The following DENND1A variants were observed in gnomAD, a reference collection of about 807,000 sequenced individuals.
DENND1A encodes DENN domain-containing protein 1A.
Under a neutral mutation model 113.7 loss-of-function variants are expected in DENND1A, and 51 were observed. The ratio of observed to expected loss-of-function variants is 0.45; its 90% confidence interval spans 0.36 to 0.57. DENND1A has a LOEUF of 0.57. Ranked by LOEUF, DENND1A falls within the 20% of genes least tolerant of loss-of-function variation. The pLI, the probability that DENND1A is intolerant of heterozygous loss-of-function variation, is 0.00. For missense variants in DENND1A, 1,258 were observed against 1,395.9 expected (o/e 0.90, Z 1.57); for synonymous variants, 565 against 570.8 (o/e 0.99, Z 0.14).
chr9:123,752,277 C>G (rs539264080), intron 5 of DENND1A, among the ~76,000 whole-genome samples: 3 of 152,118 alleles, frequency 2.0e-5, no homozygotes, highest in African/African-American at 7.2e-5. Context: ...GGCCAGAGAC[C>G]AAGTGTTATG....
intron 5 of DENND1A, among the ~76,000 whole-genome samples, chr9:123,693,328 T>C (rs2065291471): frequency 6.6e-6 from 1 of 152,186 alleles, no homozygotes; most frequent in Non-Finnish European, 1.5e-5. Flanking sequence ...ATTCACTTCT[T>C]TTAAACATGC....
At chr9:123,929,683 C>G (rs925791539) in intron 1 of DENND1A, among the ~76,000 whole-genome samples, 29 of 151,928 alleles carry the variant, frequency 1.9e-4, no homozygotes, top group African/African-American at 7.0e-4. Flanking sequence ...CACCTGACCC[C>G]CGGCGCCCTG....
chr9:123,504,688 G>T (rs2052765319), intron 13 of DENND1A, among the ~76,000 whole-genome samples: 1 of 152,156 alleles, frequency 6.6e-6, no homozygotes, highest in Non-Finnish European at 1.5e-5. Context: ...TCATTTTAAA[G>T]ACGAAGAAAC....
chr9:123,766,147 C>G (rs891167938), intron 4 of DENND1A, among the ~76,000 whole-genome samples: 8 of 152,318 alleles, frequency 5.3e-5, no homozygotes, highest in African/African-American at 1.4e-4. Context: ...GGCTTCTCCT[C>G]TGCTTTGCTT....
chr9:123,666,136 C>A (rs1308919196), intron 8 of DENND1A, among the ~76,000 whole-genome samples: 1 of 152,010 alleles, frequency 6.6e-6, no homozygotes, highest in Non-Finnish European at 1.5e-5. Flanking sequence ...ATTGACTGTA[C>A]AAAATATGAA....
chr9:123,792,519 A>C, intron 3 of DENND1A, 68 bp downstream of exon 3: 1 of 1,490,528 alleles, frequency 6.7e-7, no homozygotes, highest in Admixed American at 1.8e-5. Flanking sequence ...TAAAAAGAAC[A>C]GTAATAATAT....
chr9:123,384,675 C>T (rs575044115), intron 22 of DENND1A, among the ~76,000 whole-genome samples: 5 of 152,304 alleles, frequency 3.3e-5, no homozygotes, highest in East Asian at 1.9e-4. Context: ...TGGCTGGGCA[C>T]GGTGGCTCAC....
At chr9:123,418,919 G>A (rs186628384) in intron 19 of DENND1A, among the ~76,000 whole-genome samples, 113 of 152,372 alleles carry the variant, frequency 7.4e-4, no homozygotes, top group African/African-American at 2.7e-3. Flanking sequence ...AGGGCAGACA[G>A]CTGTTTAGGG....
In DENND1A at chr9:123,918,216, T is replaced by C. The variant is rs376462750; in HGVS notation, c.17+11673A>G. 3.9e-3 allele frequency among the ~76,000 whole-genome samples: 590 copies of C among 149,908 alleles called. 6 individuals are homozygous for C. The highest frequency in any genetic ancestry group is 9.4e-3 in the Admixed American group (142 of 15,038). On this transcript the variant is annotated intron_variant, in intron 1 of 23. Transcript: ENST00000394215. ...AAATTCCCACTGGACAGGCCGGGCG[T>C]GGTGGCTCATGCCTGTAATTCCAGC...
chr9:123,786,495 A>G (rs910511322), intron 3 of DENND1A, among the ~76,000 whole-genome samples: 5 of 152,174 alleles, frequency 3.3e-5, no homozygotes, highest in African/African-American at 1.2e-4. Flanking sequence ...CTAGGCAGTA[A>G]GTTCCTTCAA....
At chr9:123,854,833 T>TTA (rs1843916271) in intron 2 of DENND1A, among the ~76,000 whole-genome samples, 1 of 151,200 alleles carries the variant, frequency 6.6e-6, no homozygotes, top group African/African-American at 2.5e-5. Flanking sequence ...TATCTTCATC[T>TTA]TATCAGCTAC....
chr9:123,487,443 G>A (rs2050983447), intron 13 of DENND1A, among the ~76,000 whole-genome samples: 2 of 152,120 alleles, frequency 1.3e-5, no homozygotes, highest in South Asian at 2.1e-4. Flanking sequence ...TTTTAGTTAC[G>A]AGCCAAGGTC....
chr9:123,457,998 CTTTT>C, intron 13 of DENND1A, 101 bp from the exon 14 acceptor site: 2 of 804,132 alleles, frequency 2.5e-6, no homozygotes, highest in Non-Finnish European at 3.7e-6. Flanking sequence ...TATTTTTTTT[CTTTT>C]CCTTTTTTTT....
chr9:123,699,731 T>C (rs2065770631), intron 5 of DENND1A, among the ~76,000 whole-genome samples: 2 of 143,918 alleles, frequency 1.4e-5, no homozygotes, highest in Non-Finnish European at 3.0e-5. Context: ...AGAGTCTCGC[T>C]CTGTCACCCA....
At chr9:123,536,600 T>C (rs1366729356) in intron 13 of DENND1A, among the ~76,000 whole-genome samples, 1 of 151,840 alleles carries the variant, frequency 6.6e-6, no homozygotes, top group Non-Finnish European at 1.5e-5. Flanking sequence ...GGGCCCATGG[T>C]AAGAAGGACT....
At chr9:123,871,787 T>A (rs1298954030) in intron 2 of DENND1A, among the ~76,000 whole-genome samples, 1 of 151,780 alleles carries the variant, frequency 6.6e-6, no homozygotes, top group African/African-American at 2.4e-5. Context: ...ATGCTGGGGG[T>A]TGGGGTAGGG....
intron 1 of DENND1A, among the ~76,000 whole-genome samples, chr9:123,909,644 C>T (rs1853600363): frequency 6.6e-6 from 1 of 151,788 alleles, no homozygotes; most frequent in Non-Finnish European, 1.5e-5. Context: ...GGTATAAGAC[C>T]ACTATATCTG....
intron 13 of DENND1A, among the ~76,000 whole-genome samples, chr9:123,465,135 T>C (rs925258822): frequency 6.6e-6 from 1 of 150,706 alleles, no homozygotes; most frequent in South Asian, 2.1e-4. Flanking sequence ...GAGCCAACAT[T>C]GTGGCACTGC....
intron 2 of DENND1A, among the ~76,000 whole-genome samples, chr9:123,831,243 G>T (rs1437531435): frequency 1.3e-5 from 2 of 151,958 alleles, no homozygotes; most frequent in African/African-American, 4.8e-5. Flanking sequence ...ATGAAAATAA[G>T]CAAGACTTAT....
Sources: gnomAD v4.1 joint callset for allele counts (sites outside exome capture counted in the v4.1 genomes callset) on GRCh38, gnomAD v4.1.1 for gene constraint, MANE v1.5 for transcripts, NCBI Gene and HGNC (gene_info 2026-07-23, HGNC 2026-07-21) for gene names.